The following TSPAN1 variants were observed in gnomAD, a reference collection of about 807,000 sequenced individuals.
TSPAN1 encodes tetraspanin-1.
In TSPAN1, 23 loss-of-function variants were observed where a neutral mutation model predicts 26.9. The ratio of observed to expected loss-of-function variants is 0.85; its 90% CI spans 0.62 to 1.21. The LOEUF (loss-of-function observed/expected upper bound fraction) is 1.21, where lower values mean the gene tolerates loss of function less well. Ranked by LOEUF, TSPAN1 falls within the 50% of genes most tolerant of loss-of-function variation. The probability of loss-of-function intolerance (pLI) is 0.00; values close to 1 mark genes in which losing one functional copy is unlikely to be tolerated. For synonymous variants in TSPAN1, 115 were observed against 114.8 expected, an observed-to-expected ratio of 1.00 and a Z score of -0.01; for missense variants, 283 against 298.4, an observed-to-expected ratio of 0.95 and a Z score of 0.38.
downstream of TSPAN1, among the ~76,000 whole-genome samples, chr1:46,186,770 C>T (rs1471984380): frequency 6.7e-6 from 1 of 149,962 alleles, no homozygotes; most frequent in Non-Finnish European, 1.5e-5. Context: ...TCACGCCATT[C>T]TCCTGCCTCA....
chr1:46,189,052 C>T (rs1304827822), downstream of TSPAN1: 8 of 1,536,510 alleles, frequency 5.2e-6, no homozygotes, highest in Non-Finnish European at 5.2e-6. Flanking sequence ...TACTCTCCTG[C>T]CCTTCTCCAA....
downstream of TSPAN1, among the ~76,000 whole-genome samples, chr1:46,186,449 C>T (rs554856166): frequency 1.3e-5 from 2 of 151,516 alleles, no homozygotes; most frequent in South Asian, 2.1e-4. Context: ...GCTGGCCTAC[C>T]TGGTGTTCTT....
chr1:46,195,576 G>A, the TSPAN1 span: 3 of 589,246 alleles, frequency 5.1e-6, no homozygotes, highest in Non-Finnish European at 9.4e-6. Flanking sequence ...CATGAGGGTG[G>A]GGACTCTGTC....
At chr1:46,193,166 G>A in the TSPAN1 span, 3 of 1,614,136 alleles carry the variant, frequency 1.9e-6, no homozygotes, top group Non-Finnish European at 1.7e-6. Context: ...TGTATCCTTA[G>A]TACTCACCGG....
At chr1:46,194,919 G>A in the TSPAN1 span, 1 of 1,614,018 alleles carries the variant, frequency 6.2e-7, no homozygotes, top group African/African-American at 1.3e-5. Flanking sequence ...AGGCTCCTCA[G>A]CAGAGCCTTG....
In TSPAN1 at chr1:46,175,250, AC is replaced by A. The variant is rs1264494287; in HGVS notation, c.-298del. 4.6e-6 allele frequency: 1 copy of A among 217,070 alleles called. No homozygotes were observed. Among genetic ancestry groups the A allele is most frequent in the African/African-American group, 2.3e-5 (1 of 43,822 alleles). 13.4% of individuals were successfully genotyped at this position (217,070 alleles called of 1,614,324 possible). On this transcript the variant is annotated 5_prime_UTR_variant, in exon 1 of 9. An upstream open reading frame in the 5' UTR gains an earlier in-frame stop. Coordinates refer to ENST00000372003, the MANE Select transcript of TSPAN1 (RefSeq NM_005727.4). ...AATACCTTCCAAGATGTTTACAGAG[AC>A]CCTTCTCCCTGTGCAGTTAGGAGTG...
At chr1:46,195,582 C>CAA in the TSPAN1 span, 1 of 600,512 alleles carries the variant, frequency 1.7e-6, no homozygotes, top group Non-Finnish European at 3.1e-6. Context: ...GGTGGGGACT[C>CAA]TGTCTTGTTT....
At chr1:46,181,222 A>G in intron 3 of TSPAN1, 58 bp downstream of exon 3, 1 of 1,534,424 alleles carries the variant, frequency 6.5e-7, no homozygotes, top group Non-Finnish European at 8.9e-7. Context: ...TCACAAGCTG[A>G]GTAGAGACTA....
At chr1:46,191,924 G>A in the TSPAN1 span, 6 of 1,081,638 alleles carry the variant, frequency 5.5e-6, no homozygotes, top group African/African-American at 1.6e-5. Context: ...GTGAGCCACC[G>A]CGCCCAGCCC....
At chr1:46,177,550 T>C (rs1030575919) in intron 1 of TSPAN1, among the ~76,000 whole-genome samples, 1 of 152,148 alleles carries the variant, frequency 6.6e-6, no homozygotes, top group Non-Finnish European at 1.5e-5. Context: ...CTGGGGACCA[T>C]TTTAGACAGT....
At chr1:46,195,876 C>T in the TSPAN1 span, 1 of 1,613,366 alleles carries the variant, frequency 6.2e-7, no homozygotes, top group Non-Finnish European at 8.5e-7. Flanking sequence ...ATGGCCTCAT[C>T]CTCATGAGGT....
At chr1:46,176,171 A>G (rs1448471960) in intron 1 of TSPAN1, 26 of 1,527,110 alleles carry the variant, frequency 1.7e-5, no homozygotes, top group Middle Eastern at 1.7e-4. Context: ...CACCGCACCC[A>G]GCCTAGTGGC....
the TSPAN1 span, chr1:46,195,082 CCTCT>C: frequency 1.2e-6 from 1 of 864,472 alleles, no homozygotes; most frequent in Non-Finnish European, 2.0e-6. Context: ...TTGCAATAAC[CCTCT>C]ATGGTTACTC....
At chr1:46,194,339 C>T in the TSPAN1 span, 3 of 1,614,252 alleles carry the variant, frequency 1.9e-6, no homozygotes, top group Non-Finnish European at 2.5e-6. Context: ...TAGCCCTCAA[C>T]TTTGCTGCAG....
chr1:46,187,649 TCTC>T (rs952897151), downstream of TSPAN1, among the ~76,000 whole-genome samples: 2 of 152,092 alleles, frequency 1.3e-5, no homozygotes, highest in African/African-American at 2.4e-5. Flanking sequence ...CTCTCACACT[TCTC>T]CTCTGCCGTG....
Position 46,180,313 on chromosome 1 carries a change from G to A in TSPAN1, c.-141-213G>A, listed in dbSNP as rs2234262. On this transcript the variant is annotated intron_variant, in intron 1 of 8. Coordinates refer to ENST00000372003, the MANE Select transcript of TSPAN1 (RefSeq NM_005727.4). ...GGAGGGCACGCAGACATTCTGGGAA[G>A]CCACTTGCCCCACCCCTGGGCTGCT... Among the ~76,000 whole-genome samples the A allele has an allele frequency of 4.2e-3, 643 of 152,324 alleles. 10 individuals are homozygous for A. Among genetic ancestry groups the A allele is most frequent in the Admixed American group, 0.037 (573 of 15,302 alleles).
chr1:46,193,498 C>T, the TSPAN1 span: 19 of 1,613,244 alleles, frequency 1.2e-5, no homozygotes, highest in Admixed American at 1.7e-5. Context: ...CTCCCTTGCC[C>T]GTCCCTGGCA....
At chr1:46,186,384 C>A (rs1657426762), downstream of TSPAN1, among the ~76,000 whole-genome samples, 1 of 152,142 alleles carries the variant, frequency 6.6e-6, no homozygotes, top group African/African-American at 2.4e-5. Context: ...CAGGCAAAAC[C>A]CCAGATCTGT....
At chr1:46,175,465 C>CTGTG (rs1657108833) in intron 1 of TSPAN1, 56 bp downstream of exon 1, 12 of 397,144 alleles carry the variant, frequency 3.0e-5, no homozygotes, top group Non-Finnish European at 4.9e-5. Flanking sequence ...CTGGTTAACA[C>CTGTG]CTCTGTGTGG....
Sources: allele counts gnomAD v4.1 joint callset (sites outside exome capture counted in the v4.1 genomes callset), GRCh38; gene constraint gnomAD v4.1.1; transcripts MANE v1.5; gene names NCBI Gene and HGNC (gene_info 2026-07-23, HGNC 2026-07-21).